DOCK3: variants seen among roughly 807,000 people sequenced by gnomAD.
The protein encoded by DOCK3 is dedicator of cytokinesis protein 3.
A neutral mutation model predicts 265.6 loss-of-function variants in DOCK3; 60 were observed. The ratio of observed to expected loss-of-function variants is 0.23; its 90% CI spans 0.18 to 0.28. The LOEUF (loss-of-function observed/expected upper bound fraction) is 0.28, where lower values mean the gene tolerates loss of function less well. Ranked by LOEUF, DOCK3 falls within the 10% of genes least tolerant of loss-of-function variation. The pLI is 1.00. For synonymous variants in DOCK3, 881 were observed against 938.0 expected, an observed-to-expected ratio of 0.94 and a Z score of 1.11; for missense variants, 1,981 against 2,594.3, an observed-to-expected ratio of 0.76 and a Z score of 5.14.
intron 2 of DOCK3, among the ~76,000 whole-genome samples, chr3:50,781,735 G>A (rs1161494922): frequency 6.6e-6 from 1 of 152,060 alleles, no homozygotes; most frequent in Non-Finnish European, 1.5e-5. Flanking sequence ...CAGGTATTAA[G>A]CCTAGTATCC....
At chr3:51,272,280 CT>C (rs11371307) in intron 24 of DOCK3, among the ~76,000 whole-genome samples, 18 of 144,044 alleles carry the variant, frequency 1.2e-4, no homozygotes, top group Admixed American at 2.8e-4. Context: ...TTAGGTTTGA[CT>C]TTTTTTTTTT....
chr3:51,195,691 T>C (rs1213880891), intron 12 of DOCK3, among the ~76,000 whole-genome samples: 1 of 152,170 alleles, frequency 6.6e-6, no homozygotes, highest in Non-Finnish European at 1.5e-5. Flanking sequence ...GTTCTGGGAT[T>C]ACAGGCCTGA....
chr3:50,760,801 G>A (rs1233032189), intron 1 of DOCK3, among the ~76,000 whole-genome samples: 1 of 135,724 alleles, frequency 7.4e-6, no homozygotes, highest in Non-Finnish European at 1.6e-5. Flanking sequence ...TTTTTCTTTT[G>A]AGATGGAGTC....
At chr3:50,775,464 TG>T (rs35256293) in intron 1 of DOCK3, among the ~76,000 whole-genome samples, 26,679 of 151,978 alleles carry the variant, frequency 0.18, 2,998 homozygotes, top group Non-Finnish European at 0.24. Flanking sequence ...ACTGATAATT[TG>T]TTTCTTTTCT....
chr3:50,882,103 ACAAGAATTAATT>A (rs2048072325), intron 3 of DOCK3, among the ~76,000 whole-genome samples: 1 of 152,198 alleles, frequency 6.6e-6, no homozygotes, highest in Admixed American at 6.5e-5. Flanking sequence ...TACACCTTTT[ACAAGAATTAATT>A]CAAGATGGAT....
Position 50,959,655 on chromosome 3 carries a change from C to T in DOCK3, c.315+25578C>T, listed in dbSNP as rs528942164. On this transcript the variant is annotated intron_variant, in intron 5 of 52. Coordinates refer to ENST00000266037, the MANE Select transcript of DOCK3 (RefSeq NM_004947.5). ...AGTGCAGTGGCAAGATCTTGGCTCACTGCAAGCTCCACCTCCTGGGTTCAC... is the reference window on the plus strand; with the variant it reads ...AGTGCAGTGGCAAGATCTTGGCTCATTGCAAGCTCCACCTCCTGGGTTCAC... Among the ~76,000 whole-genome samples, 7 of 152,130 alleles carry T rather than the reference C, an allele frequency of 4.6e-5. No individual in the cohort carries two copies. In the East Asian group the frequency reaches 1.2e-3, roughly 25 times the overall value.
intron 37 of DOCK3, among the ~76,000 whole-genome samples, chr3:51,339,897 A>G (rs550474305): frequency 6.6e-6 from 1 of 152,358 alleles, no homozygotes; most frequent in African/African-American, 2.4e-5. Context: ...GTAGAAACAG[A>G]GAATCCTCCT....
chr3:51,135,238 C>A (rs548605477), intron 9 of DOCK3, among the ~76,000 whole-genome samples: 1 of 152,312 alleles, frequency 6.6e-6, no homozygotes, highest in East Asian at 1.9e-4. Flanking sequence ...ACTGCTAAAT[C>A]TGGTCAGCTG....
intron 12 of DOCK3, among the ~76,000 whole-genome samples, chr3:51,174,494 A>G (rs2086843382): frequency 7.3e-6 from 1 of 137,088 alleles, no homozygotes; most frequent in South Asian, 2.5e-4. Flanking sequence ...AAATAAATAA[A>G]TAAATAACTT....
chr3:51,254,358 A>C (rs1376644243), intron 22 of DOCK3, among the ~76,000 whole-genome samples: 3 of 152,180 alleles, frequency 2.0e-5, no homozygotes, highest in African/African-American at 7.2e-5. Flanking sequence ...TTTGGGGTGG[A>C]GAGTTCTATA....
chr3:51,345,821 T>C (rs1306682347), intron 38 of DOCK3, among the ~76,000 whole-genome samples: 2 of 152,234 alleles, frequency 1.3e-5, no homozygotes, highest in Non-Finnish European at 2.9e-5. Flanking sequence ...TCCTTGATGC[T>C]ATTTCAAAGA....
In DOCK3 at chr3:50,996,252, C is replaced by G. The variant is rs533901709; in HGVS notation, c.315+62175C>G. Among the ~76,000 whole-genome samples, 16 of 148,038 alleles carry G rather than the reference C, an allele frequency of 1.1e-4. No homozygotes were observed. In the South Asian group the frequency reaches 2.6e-3, roughly 24 times the overall value. On this transcript the variant is annotated intron_variant, in intron 5 of 52. Transcript: ENST00000266037. ...TTTTTTTTTTTGACAGAGTCTCGCT[C>G]TGTCGCCCAGGCTGGAGTGCAGTGG...
intron 4 of DOCK3, among the ~76,000 whole-genome samples, chr3:50,924,808 C>T (rs1473407636): frequency 6.6e-6 from 1 of 152,216 alleles, no homozygotes; most frequent in Non-Finnish European, 1.5e-5. Context: ...GCATTCTTTT[C>T]AGGATGGCTG....
intron 1 of DOCK3, among the ~76,000 whole-genome samples, chr3:50,727,759 A>C (rs543537017): frequency 1.3e-5 from 2 of 152,324 alleles, no homozygotes; most frequent in South Asian, 4.1e-4. Context: ...AAAAATCCTA[A>C]ATGAGCATGC....
At chr3:51,315,528 A>G (rs538444926) in intron 32 of DOCK3, among the ~76,000 whole-genome samples, 86 of 152,094 alleles carry the variant, frequency 5.7e-4, no homozygotes, top group Non-Finnish European at 1.1e-3. Flanking sequence ...GTAGCCCAGC[A>G]TTTTATAGAC....
chr3:50,732,908 G>C (rs565837606), intron 1 of DOCK3, among the ~76,000 whole-genome samples: 3 of 152,072 alleles, frequency 2.0e-5, no homozygotes, highest in Non-Finnish European at 4.4e-5. Context: ...AAGATAATGT[G>C]TTCATGGGTT....
At chr3:51,305,136 G>T (rs2082582954) in intron 27 of DOCK3, among the ~76,000 whole-genome samples, 1 of 152,116 alleles carries the variant, frequency 6.6e-6, no homozygotes, top group Non-Finnish European at 1.5e-5. Flanking sequence ...CTGTCTAGTT[G>T]TTCTGACTGT....
intron 4 of DOCK3, among the ~76,000 whole-genome samples, chr3:50,923,762 T>G (rs2050624231): frequency 6.6e-6 from 1 of 152,202 alleles, no homozygotes; most frequent in Non-Finnish European, 1.5e-5. Flanking sequence ...ATTTTATAAT[T>G]TCTTTGCCTT....
At chr3:51,018,083 G>C (rs1438818466) in intron 5 of DOCK3, among the ~76,000 whole-genome samples, 4 of 151,400 alleles carry the variant, frequency 2.6e-5, no homozygotes, top group Admixed American at 1.3e-4. Context: ...GTAGAGATGG[G>C]GTTTCACTAT....
Sources: allele counts gnomAD v4.1 joint callset (sites outside exome capture counted in the v4.1 genomes callset), GRCh38; gene constraint gnomAD v4.1.1; transcripts MANE v1.5; gene names NCBI Gene and HGNC (gene_info 2026-07-23, HGNC 2026-07-21).